Variants in KIAA1217 observed in about 807,000 individuals in gnomAD.
KIAA1217 encodes the protein sickle tail protein homolog.
A neutral mutation model predicts 163.9 loss-of-function variants in KIAA1217; 88 were observed. The ratio of observed to expected loss-of-function variants is 0.54; its 90% CI spans 0.45 to 0.64. The LOEUF (loss-of-function observed/expected upper bound fraction) is 0.64, where lower values mean the gene tolerates loss of function less well. Ranked by LOEUF, KIAA1217 falls within the 30% of genes least tolerant of loss-of-function variation. The pLI is 0.00. For synonymous variants in KIAA1217, 903 were observed against 923.1 expected, an observed-to-expected ratio of 0.98 and a Z score of 0.39; for missense variants, 2,372 against 2,475.0, an observed-to-expected ratio of 0.96 and a Z score of 0.88.
chr10:23,790,570 T>C (rs1835861169), intron 1 of KIAA1217, among the ~76,000 whole-genome samples: 1 of 125,674 alleles, frequency 8.0e-6, no homozygotes, highest in South Asian at 2.3e-4. Flanking sequence ...CATATGTATA[T>C]ATACATATGT....
intron 2 of KIAA1217, among the ~76,000 whole-genome samples, chr10:24,354,718 G>A (rs2048861029): frequency 7.9e-6 from 1 of 126,956 alleles, no homozygotes; most frequent in South Asian, 2.6e-4. Flanking sequence ...TCAGCATTCA[G>A]ATGTTCCTTC....
chr10:24,366,645 C>T (rs2050824163), intron 2 of KIAA1217, among the ~76,000 whole-genome samples: 1 of 152,142 alleles, frequency 6.6e-6, no homozygotes. Context: ...TCCTGCATGG[C>T]AAAGCATGGG....
In KIAA1217 at chr10:24,280,255, C is replaced by T. The variant is rs192789857; in HGVS notation, c.354+60346C>T. Among the ~76,000 whole-genome samples, 32 of 152,222 alleles carry T rather than the reference C, an allele frequency of 2.1e-4. 1 individual carries two copies. Among genetic ancestry groups the T allele is most frequent in the Non-Finnish European group, 2.9e-4 (20 of 68,036 alleles). ...AAATTGGATGAAGACCTTGACTCAC[C>T]AGATTTGGCAAGGAATAGGGGTCCG... On this transcript the variant is annotated intron_variant, in intron 2 of 20. Transcript: ENST00000376454.
At chr10:23,824,154 TC>T (rs1240303174) in intron 1 of KIAA1217, among the ~76,000 whole-genome samples, 1 of 151,914 alleles carries the variant, frequency 6.6e-6, no homozygotes, top group Non-Finnish European at 1.5e-5. Flanking sequence ...ACACCTATGG[TC>T]CCAGCTACTT....
intron 16 of KIAA1217, 31 bp from the exon 17 acceptor site, chr10:24,536,743 C>G: frequency 6.2e-7 from 1 of 1,608,990 alleles, no homozygotes; most frequent in Admixed American, 1.7e-5. Flanking sequence ...ACCCTTGGAT[C>G]CCTGTTAACC....
At chr10:24,171,660 C>T (rs767307630) in intron 2 of KIAA1217, among the ~76,000 whole-genome samples, 18 of 151,950 alleles carry the variant, frequency 1.2e-4, no homozygotes, top group African/African-American at 1.7e-4. Flanking sequence ...CAAAATTAGC[C>T]GGGTGTGGTG....
chr10:23,965,695 A>G (rs1564571148), intron 1 of KIAA1217, among the ~76,000 whole-genome samples: 1 of 152,222 alleles, frequency 6.6e-6, no homozygotes, highest in African/African-American at 2.4e-5. Context: ...GATTTTTAAA[A>G]TAACCCACAG....
At chr10:24,483,959 G>C (rs781665178) in intron 6 of KIAA1217, among the ~76,000 whole-genome samples, 1 of 151,906 alleles carries the variant, frequency 6.6e-6, no homozygotes, top group Non-Finnish European at 1.5e-5. Context: ...CACTAAGGGA[G>C]GCAGCTCAGT....
At chr10:24,459,998 G>A (rs1371889696) in intron 5 of KIAA1217, among the ~76,000 whole-genome samples, 1 of 152,128 alleles carries the variant, frequency 6.6e-6, no homozygotes, top group Non-Finnish European at 1.5e-5. Flanking sequence ...CTAGTTCCGG[G>A]ACTCCCCATT....
At chr10:23,721,162 G>T (rs1168992219) in intron 1 of KIAA1217, among the ~76,000 whole-genome samples, 1 of 152,168 alleles carries the variant, frequency 6.6e-6, no homozygotes, top group Admixed American at 6.5e-5. Context: ...CCCTGAGCGT[G>T]TGCCCTTGAA....
chr10:24,227,941 G>T (rs2070821928), intron 2 of KIAA1217, among the ~76,000 whole-genome samples: 1 of 152,074 alleles, frequency 6.6e-6, no homozygotes, highest in South Asian at 2.1e-4. Context: ...CTTCCTTAGG[G>T]TCCCCTCCTC....
chr10:23,931,951 G>C (rs147949012), intron 1 of KIAA1217, among the ~76,000 whole-genome samples: 34 of 152,220 alleles, frequency 2.2e-4, no homozygotes, highest in Non-Finnish European at 3.7e-4. Flanking sequence ...AAAAAATGGG[G>C]CCAGTTACCA....
intron 2 of KIAA1217, among the ~76,000 whole-genome samples, chr10:24,310,437 A>G (rs2042557278): frequency 6.6e-6 from 1 of 152,246 alleles, no homozygotes; most frequent in South Asian, 2.1e-4. Flanking sequence ...AGGAACAAAG[A>G]TGAGTTGAAA....
chr10:23,758,570 T>C (rs968513758), intron 1 of KIAA1217, among the ~76,000 whole-genome samples: 1 of 152,200 alleles, frequency 6.6e-6, no homozygotes, highest in African/African-American at 2.4e-5. Context: ...GGTGGGTTTT[T>C]CTTTTTCCTT....
At chr10:24,064,604 T>C (rs1047260572) in intron 2 of KIAA1217, among the ~76,000 whole-genome samples, 1 of 152,206 alleles carries the variant, frequency 6.6e-6, no homozygotes, top group South Asian at 2.1e-4. Flanking sequence ...AAAACTCTCT[T>C]TTTTTGTTGT....
At chr10:24,005,867 G>C (rs1336830656) in intron 1 of KIAA1217, among the ~76,000 whole-genome samples, 1 of 152,114 alleles carries the variant, frequency 6.6e-6, no homozygotes, top group Non-Finnish European at 1.5e-5. Flanking sequence ...ATGACGAAGT[G>C]GTCACAGAAT....
At chr10:23,850,509 T>A (rs1007017619) in intron 1 of KIAA1217, among the ~76,000 whole-genome samples, 7 of 152,154 alleles carry the variant, frequency 4.6e-5, no homozygotes, top group African/African-American at 1.7e-4. Context: ...AACTGTGATC[T>A]TTATGAAGAG....
chr10:24,056,889 T>A (rs143312053), intron 2 of KIAA1217, among the ~76,000 whole-genome samples: 254 of 152,126 alleles, frequency 1.7e-3, no homozygotes, highest in African/African-American at 5.8e-3. Flanking sequence ...CTTCTAGAAA[T>A]GAAAAATGTA....
At chr10:24,444,371 T>A (rs1024646441) in intron 5 of KIAA1217, among the ~76,000 whole-genome samples, 2 of 152,194 alleles carry the variant, frequency 1.3e-5, no homozygotes, top group Non-Finnish European at 2.9e-5. Flanking sequence ...ATAAAAGACT[T>A]CCTACCCCAG....
Sources: gnomAD v4.1 joint callset for allele counts (sites outside exome capture counted in the v4.1 genomes callset) on GRCh38, gnomAD v4.1.1 for gene constraint, MANE v1.5 for transcripts, NCBI Gene and HGNC (gene_info 2026-07-23, HGNC 2026-07-21) for gene names.